NFIB: variants seen among roughly 807,000 people sequenced by gnomAD.
The protein encoded by NFIB is nuclear factor I B.
A neutral mutation model predicts 61.5 loss-of-function variants in NFIB; 11 were observed. The observed-to-expected ratio is 0.18, with a 90% confidence interval of 0.11 to 0.30. The LOEUF (loss-of-function observed/expected upper bound fraction) is 0.30. Ranked by LOEUF, NFIB falls within the 10% of genes least tolerant of loss-of-function variation. NFIB has a pLI of 1.00. For missense variants in NFIB, 471 were observed against 608.9 expected, an observed-to-expected ratio of 0.77 and a Z score of 2.38; for synonymous variants, 260 against 216.5, an observed-to-expected ratio of 1.20 and a Z score of -1.76.
At chr9:14,478,978 T>G in the NFIB span, among the ~76,000 whole-genome samples, 2 of 152,220 alleles carry the variant, frequency 1.3e-5, no homozygotes, top group Non-Finnish European at 2.9e-5. Flanking sequence ...TAGAACAACT[T>G]TAAACAGTTG....
At chr9:14,398,679 A>G (rs2061712494) in exon 1 of NFIB, 2 of 1,349,598 alleles carry the variant, frequency 1.5e-6, no homozygotes, top group Non-Finnish European at 2.0e-6. Context: ...TGCTTCTGCC[A>G]TTTGCGCTGT....
chr9:14,453,645 T>C, the NFIB span, among the ~76,000 whole-genome samples: 2 of 152,228 alleles, frequency 1.3e-5, no homozygotes, highest in Non-Finnish European at 2.9e-5. Flanking sequence ...GAGAGTAATA[T>C]TGTCTTATGA....
the NFIB span, among the ~76,000 whole-genome samples, chr9:14,434,208 G>C: frequency 0.011 from 1,632 of 152,244 alleles, 33 homozygotes; most frequent in African/African-American, 0.038. Flanking sequence ...TTGTCTTCTG[G>C]GCTGATTGGG....
At chr9:14,280,792 GAA>G (rs2132429596) in intron 2 of NFIB, among the ~76,000 whole-genome samples, 1 of 152,230 alleles carries the variant, frequency 6.6e-6, no homozygotes, top group African/African-American at 2.4e-5. Flanking sequence ...ATAGGGAAAA[GAA>G]TCCTCAGGTA....
chr9:14,362,206 G>C (rs1169698476), intron 1 of NFIB: 1 of 152,164 alleles, frequency 6.6e-6, no homozygotes, highest in African/African-American at 2.4e-5. Context: ...GGAACCAGAG[G>C]AGAAAAATAG....
At chr9:14,190,244 G>C (rs773626630) in intron 2 of NFIB, among the ~76,000 whole-genome samples, 14 of 152,018 alleles carry the variant, frequency 9.2e-5, no homozygotes, top group Non-Finnish European at 1.8e-4. Flanking sequence ...TGGCTCTTAA[G>C]TCTGTGATAC....
chr9:14,336,940 A>C (rs1011564823), intron 1 of NFIB, among the ~76,000 whole-genome samples: 1 of 152,210 alleles, frequency 6.6e-6, no homozygotes, highest in African/African-American at 2.4e-5. Context: ...ACAATATATA[A>C]ACAATGAGCC....
intron 8 of NFIB, among the ~76,000 whole-genome samples, chr9:14,117,046 T>C (rs2038245447): frequency 6.6e-6 from 1 of 152,228 alleles, no homozygotes; most frequent in Admixed American, 6.5e-5. Context: ...CATACAATGA[T>C]ATAAAATGCT....
intron 2 of NFIB, among the ~76,000 whole-genome samples, chr9:14,298,867 G>A (rs1397219092): frequency 1.3e-5 from 2 of 152,150 alleles, no homozygotes; most frequent in Non-Finnish European, 1.5e-5. Context: ...CATCAGCTTT[G>A]GTCAATTAAA....
chr9:14,337,563 G>A (rs2060899269), intron 1 of NFIB, among the ~76,000 whole-genome samples: 1 of 152,200 alleles, frequency 6.6e-6, no homozygotes, highest in Admixed American at 6.5e-5. Flanking sequence ...GACATTTTAT[G>A]TGTATACTCG....
At chr9:14,407,494 G>C in the NFIB span, among the ~76,000 whole-genome samples, 1 of 152,124 alleles carries the variant, frequency 6.6e-6, no homozygotes, top group African/African-American at 2.4e-5. Context: ...GCACGCCTCT[G>C]TTCAAAACGG....
chr9:14,131,645 G>C (rs2040422891), intron 6 of NFIB, among the ~76,000 whole-genome samples: 1 of 152,222 alleles, frequency 6.6e-6, no homozygotes, highest in South Asian at 2.1e-4. Context: ...TGCAGGGAAA[G>C]TGTGCAGAAA....
intron 1 of NFIB, among the ~76,000 whole-genome samples, chr9:14,336,209 A>T (rs547885159): frequency 1.3e-5 from 2 of 152,386 alleles, no homozygotes; most frequent in African/African-American, 4.8e-5. Context: ...GAATCTGCTC[A>T]GACCATGTTA....
intron 2 of NFIB, among the ~76,000 whole-genome samples, chr9:14,200,822 T>A (rs2048958820): frequency 6.6e-6 from 1 of 152,160 alleles, no homozygotes. Context: ...ATACTACCCG[T>A]TTTTTGAGAA....
At chr9:14,403,671 G>A (rs1408509363), upstream of NFIB, among the ~76,000 whole-genome samples, 1 of 152,154 alleles carries the variant, frequency 6.6e-6, no homozygotes. Flanking sequence ...AATACAGGAT[G>A]AAAGGAGATT....
At chr9:14,514,321 CAT>C in the NFIB span, among the ~76,000 whole-genome samples, 1 of 123,428 alleles carries the variant, frequency 8.1e-6, no homozygotes, top group African/African-American at 3.0e-5. Flanking sequence ...CACATACATA[CAT>C]ACATACACAC....
chr9:14,197,287 T>C (rs1305608792), intron 2 of NFIB, among the ~76,000 whole-genome samples: 2 of 152,220 alleles, frequency 1.3e-5, no homozygotes, highest in East Asian at 3.9e-4. Flanking sequence ...CTCACTCTCC[T>C]GTCTCAAACA....
At chr9:14,487,173 G>T in the NFIB span, among the ~76,000 whole-genome samples, 1 of 152,152 alleles carries the variant, frequency 6.6e-6, no homozygotes, top group Non-Finnish European at 1.5e-5. Flanking sequence ...CCTGGATTCA[G>T]ACAAGGTTTG....
chr9:14,463,388 T>C, the NFIB span, among the ~76,000 whole-genome samples: 1 of 151,826 alleles, frequency 6.6e-6, no homozygotes, highest in Non-Finnish European at 1.5e-5. Context: ...TCTTTATAAA[T>C]TAATTTCTAA....
Sources: allele counts gnomAD v4.1 joint callset (sites outside exome capture counted in the v4.1 genomes callset), GRCh38; gene constraint gnomAD v4.1.1; transcripts MANE v1.5; gene names NCBI Gene and HGNC (gene_info 2026-07-23, HGNC 2026-07-21).